GPR20: variants seen among roughly 807,000 people sequenced by gnomAD.
GPR20 encodes the protein CTD-3064M3.3.
For synonymous variants in GPR20, 241 were observed against 241.9 expected, an observed-to-expected ratio of 1.00 and a Z score of 0.04; for missense variants, 494 against 527.4, an observed-to-expected ratio of 0.94 and a Z score of 0.62.
At chr8:141,361,232 C>A (rs1831730281) in intron 1 of GPR20, among the ~76,000 whole-genome samples, 2 of 152,160 alleles carry the variant, frequency 1.3e-5, no homozygotes, top group Admixed American at 1.3e-4. Context: ...TGCTCCCCAC[C>A]CACACACAGG....
chr8:141,363,835 C>A (rs1831775456), intron 1 of GPR20, among the ~76,000 whole-genome samples: 1 of 152,242 alleles, frequency 6.6e-6, no homozygotes, highest in African/African-American at 2.4e-5. Flanking sequence ...TGGCCCCGGC[C>A]CCAGGGCAGC....
At chr8:141,361,793 G>A (rs1485435730) in intron 1 of GPR20, among the ~76,000 whole-genome samples, 2 of 150,900 alleles carry the variant, frequency 1.3e-5, no homozygotes, top group African/African-American at 4.9e-5. Context: ...GGCGGGGCAG[G>A]GGCAGGTGTG....
Position 141,356,570 on chromosome 8 carries a change from GGA to G in GPR20, c.*275_*276del, listed in dbSNP as rs1831638719. On this transcript the variant is annotated 3_prime_UTR_variant, in exon 2 of 2. Transcript: ENST00000377741. ...TCTGGAGACAAACTGGCCAAAGTGA[GGA>G]GCAGCTCCCGGCTACCCCTGTGAGT... The G allele has an allele frequency of 2.5e-6, 1 of 405,714 alleles. No homozygotes were observed. The highest frequency in any genetic ancestry group is 2.0e-5 in the African/African-American group (1 of 48,962). 25.1% of individuals were successfully genotyped at this position (405,714 alleles called of 1,614,324 possible). A position where few individuals can be genotyped will look rare whatever the true frequency, so the allele number is the denominator to read the frequency against.
chr8:141,363,028 C>T (rs1029803613), intron 1 of GPR20, among the ~76,000 whole-genome samples: 3 of 152,212 alleles, frequency 2.0e-5, no homozygotes, highest in African/African-American at 7.2e-5. Context: ...ACTGGGATTA[C>T]AGGCGTGAGC....
chr8:141,362,783 TC>T lies in GPR20; in HGVS notation c.-25+4417del, dbSNP rs1312553846. On this transcript the variant is annotated intron_variant, in intron 1 of 1. Transcript: ENST00000377741. Reference sequence around the variant, plus strand: ...CTCCCATCACCACTCTTTCTTTCTTTCTTTTTTTTTTTTGAGACGGAGTGCT... The same window carrying T: ...CTCCCATCACCACTCTTTCTTTCTTTTTTTTTTTTTTTGAGACGGAGTGCT... Among the ~76,000 whole-genome samples, 529 of 143,994 alleles carry T rather than the reference TC, an allele frequency of 3.7e-3. 7 individuals are homozygous for T. The highest frequency in any genetic ancestry group is 0.015 in the African/African-American group (510 of 34,010). 94.5% of individuals were successfully genotyped at this position (143,994 alleles called of 152,430 possible).
At chr8:141,360,991 C>G (rs1831726898) in intron 1 of GPR20, among the ~76,000 whole-genome samples, 1 of 152,236 alleles carries the variant, frequency 6.6e-6, no homozygotes, top group Admixed American at 6.5e-5. Context: ...CCTAGTTTCC[C>G]TAAGCCAAAC....
rs768643953 is a variant in GPR20, at chr8:141,356,826, C to T, written c.*21G>A. On this transcript the variant is annotated 3_prime_UTR_variant, in exon 2 of 2. Transcript: ENST00000377741. Reference sequence around the variant, plus strand: ...TGCCCAGATGAGTCCTGACCTTCGGCCCCTGGCAGAGCCCTGCTGACTAAG... The same window carrying T: ...TGCCCAGATGAGTCCTGACCTTCGGTCCCTGGCAGAGCCCTGCTGACTAAG... 1.3e-6 allele frequency: 2 copies of T among 1,538,320 alleles called. No individual in the cohort carries two copies. The highest frequency in any genetic ancestry group is 1.2e-5 in the South Asian group (1 of 83,822).
Position 141,357,145 on chromosome 8 carries a change from CGGGCGTGGAA to C in GPR20, c.769_778del (p.Phe257AlafsTer24), listed in dbSNP as rs761174325. On this transcript the variant is annotated frameshift_variant, in exon 2 of 2. Transcript: ENST00000377741. LOFTEE classifies it low-confidence loss of function (END_TRUNC). ...GGGCCACAGCGCCACGGCCACTTGG[CGGGCGTGGAA>C]GGGCGTGAAGCAGACGAGAAAGATG... is the stretch of plus-strand genomic sequence containing the variant. 6.2e-6 allele frequency: 10 copies of C among 1,610,272 alleles called. No homozygotes were observed. The highest frequency in any genetic ancestry group is 1.7e-6 in the Non-Finnish European group (2 of 1,179,742).
intron 1 of GPR20, among the ~76,000 whole-genome samples, chr8:141,364,264 C>A (rs527364044): frequency 6.6e-6 from 1 of 152,376 alleles, no homozygotes; most frequent in East Asian, 1.9e-4. Flanking sequence ...GCACCCCAGA[C>A]GGCGTGGCCC....
chr8:141,363,731 TCTCAAACCCACCC>T (rs1437433491), intron 1 of GPR20, among the ~76,000 whole-genome samples: 2 of 152,204 alleles, frequency 1.3e-5, no homozygotes, highest in African/African-American at 2.4e-5. Context: ...CCTGGGCTCC[TCTCAAACCCACCC>T]CACCAACCTG....
At chr8:141,361,508 G>T (rs187818235) in intron 1 of GPR20, among the ~76,000 whole-genome samples, 104 of 152,326 alleles carry the variant, frequency 6.8e-4, no homozygotes, top group Middle Eastern at 3.4e-3. Context: ...CAGAGTAGGG[G>T]CTCAGACACA....
At chr8:141,359,505 T>G (rs73715871) in intron 1 of GPR20, among the ~76,000 whole-genome samples, 1 of 152,198 alleles carries the variant, frequency 6.6e-6, no homozygotes, top group Admixed American at 6.5e-5. Flanking sequence ...TGCCCAGGCC[T>G]GTGCCCAGCC....
rs1453755467 is a variant in GPR20 at position 141,357,848 on chromosome 8, T to G, written c.76A>C (p.Asn26His). The G allele has an allele frequency of 7.4e-6, 12 of 1,612,594 alleles. No homozygotes were observed. Among genetic ancestry groups the G allele is most frequent in the Non-Finnish European group, 1.0e-5 (12 of 1,179,630 alleles). Reference sequence around the variant, plus strand: ...AGGGGCACCTCCAGCCCGCTGGCATTGGTCCGCACTGTTGTCACTGCGGTG... The same window carrying G: ...AGGGGCACCTCCAGCCCGCTGGCATGGGTCCGCACTGTTGTCACTGCGGTG... Reference protein sequence around the residue: ...NATAVTTVRTNASGLEVPLFH... With the variant: ...NATAVTTVRTHASGLEVPLFH... The change falls in exon 2 of 2, where the codon AAT (asparagine) becomes CAT (histidine). Residue 26 changes from asparagine to histidine, a missense_variant. By Grantham distance (68) the Asn-to-His change is moderately conservative. Coordinates refer to ENST00000377741, the MANE Select transcript of GPR20 (RefSeq NM_005293.3).
chr8:141,362,785 T>C (rs555544743), intron 1 of GPR20, among the ~76,000 whole-genome samples: 5 of 115,704 alleles, frequency 4.3e-5, no homozygotes, highest in Admixed American at 1.5e-4. Context: ...TCTTTCTTTC[T>C]TTTTTTTTTT....
chr8:141,367,139 G>C (rs1248769003), intron 1 of GPR20, 62 bp downstream of exon 1: 2 of 152,236 alleles, frequency 1.3e-5, no homozygotes, highest in Non-Finnish European at 2.9e-5. Context: ...AGCAGCTCAG[G>C]AGCCTCCTAT....
Position 141,357,385 on chromosome 8 carries a change from G to A in GPR20, c.539C>T (p.Ala180Val), listed in dbSNP as rs529561847. The A allele has an allele frequency of 3.8e-6, 6 of 1,577,378 alleles. No individual in the cohort carries two copies. Among genetic ancestry groups the A allele is most frequent in the East Asian group, 2.3e-5 (1 of 42,898 alleles). ...CACGCCCAGCACCGACAGGGTGACGGCACCGGCGGCCAGCCACACGAAGGC... is the reference window on the plus strand; with the variant it reads ...CACGCCCAGCACCGACAGGGTGACGACACCGGCGGCCAGCCACACGAAGGC... ...VCAFVWLAAG[A>V]VTLSVLGVTG... Residue 180 changes from alanine to valine, a missense_variant, in exon 2 of 2, where the codon GCC (alanine) becomes GTC (valine). Ala to Val is a moderately conservative substitution (Grantham distance 64). Transcript: ENST00000377741.
rs374224196 is a variant in GPR20 at position 141,357,303 on chromosome 8, C to T, written c.621G>A (p.Leu207=). 4.2e-4 allele frequency: 647 copies of T among 1,542,344 alleles called. 1 individual carries two copies. The Middle Eastern group carries it at 6.8e-3, about 16-fold the overall frequency. ...TAAACACGCTGATGACCAGCAGGGG[C>T]AGCAGGAACTCCAGGACAGTCAGCG... ...VFALTVLEFL[L]PLLVISVFTG... The change falls in exon 2 of 2, where the codon CTG becomes CTA. Residue 207 remains leucine, a synonymous_variant. Transcript: ENST00000377741.
In GPR20 at chr8:141,357,673, G is replaced by A. The variant is rs1396168257; in HGVS notation, c.251C>T (p.Ala84Val). Residue 84 changes from alanine to valine, a missense_variant, in exon 2 of 2, where the codon GCC (alanine) becomes GTC (valine). Transcript: ENST00000377741. Reference protein sequence around the residue: ...ALYVFCCRTRAKTPSVIYTIN... With the variant: ...ALYVFCCRTRVKTPSVIYTIN... ...GGTGTAGATGACTGAGGGTGTCTTG[G>A]CCCGGGTGCGGCAGCAGAAGACGTA... 6.2e-7 allele frequency: 1 copy of A among 1,613,582 alleles called. No individual in the cohort carries two copies.
intron 1 of GPR20, among the ~76,000 whole-genome samples, chr8:141,365,845 G>A (rs753349874): frequency 5.9e-5 from 9 of 152,236 alleles, no homozygotes; most frequent in Admixed American, 1.3e-4. Context: ...CCACAGCCCC[G>A]CACGCCTGCA....
Sources: allele counts gnomAD v4.1 joint callset (sites outside exome capture counted in the v4.1 genomes callset), GRCh38; gene constraint gnomAD v4.1.1; transcripts MANE v1.5; gene names NCBI Gene and HGNC (gene_info 2026-07-23, HGNC 2026-07-21).